The following BMAL1 variants were observed in gnomAD, a reference collection of about 807,000 sequenced individuals.
BMAL1 encodes basic helix-loop-helix ARNT-like protein 1.
the BMAL1 span, among the ~76,000 whole-genome samples, chr11:13,359,326 C>T: frequency 6.6e-6 from 1 of 152,182 alleles, no homozygotes; most frequent in African/African-American, 2.4e-5. Flanking sequence ...AGATCTCTGA[C>T]CTGCGTGGTA....
chr11:13,278,020 C>G, the BMAL1 span: 1 of 151,636 alleles, frequency 6.6e-6, no homozygotes, highest in Non-Finnish European at 1.5e-5. Flanking sequence ...GCCGCCGCCC[C>G]GGGGGCAACC....
chr11:13,384,168 T>C, the BMAL1 span, among the ~76,000 whole-genome samples: 1 of 152,190 alleles, frequency 6.6e-6, no homozygotes, highest in Non-Finnish European at 1.5e-5. Flanking sequence ...ATGACTGACA[T>C]TTGTTGCCAA....
chr11:13,382,751 T>C, the BMAL1 span, among the ~76,000 whole-genome samples: 94 of 152,320 alleles, frequency 6.2e-4, no homozygotes, highest in African/African-American at 2.1e-3. Flanking sequence ...AGAACTTTCA[T>C]ATACATTGTC....
the BMAL1 span, chr11:13,372,019 C>G: frequency 2.6e-6 from 3 of 1,154,368 alleles, no homozygotes; most frequent in East Asian, 7.1e-5. Context: ...CTGCCCCTTT[C>G]ATTAGATGCT....
the BMAL1 span, among the ~76,000 whole-genome samples, chr11:13,317,079 A>T: frequency 6.6e-6 from 1 of 152,212 alleles, no homozygotes; most frequent in Non-Finnish European, 1.5e-5. Context: ...TGTGCTTAGC[A>T]CCGTGACTGG....
chr11:13,376,269 C>T, the BMAL1 span, among the ~76,000 whole-genome samples: 1 of 152,164 alleles, frequency 6.6e-6, no homozygotes, highest in Non-Finnish European at 1.5e-5. Context: ...CAGGCCTGCT[C>T]CCCACTTTTC....
the BMAL1 span, chr11:13,369,565 C>T: frequency 2.5e-6 from 4 of 1,606,368 alleles, no homozygotes; most frequent in African/African-American, 5.4e-5. Context: ...CACTCCCCCT[C>T]CTGACAGACA....
the BMAL1 span, among the ~76,000 whole-genome samples, chr11:13,333,369 T>A: frequency 6.6e-6 from 1 of 152,250 alleles, no homozygotes; most frequent in East Asian, 1.9e-4. Flanking sequence ...CACCAGCAGG[T>A]GTTCCAGAAA....
the BMAL1 span, chr11:13,379,361 T>G: frequency 1.3e-5 from 2 of 152,154 alleles, no homozygotes; most frequent in Non-Finnish European, 2.9e-5. Context: ...TCAGGAGAAT[T>G]AGAGGCTGGC....
chr11:13,316,843 TTAAAG>T, the BMAL1 span, among the ~76,000 whole-genome samples: 1 of 152,238 alleles, frequency 6.6e-6, no homozygotes, highest in Non-Finnish European at 1.5e-5. Context: ...TGAGATGGGC[TTAAAG>T]TGTGGCTGGC....
At chr11:13,307,866 G>A in the BMAL1 span, among the ~76,000 whole-genome samples, 2 of 152,184 alleles carry the variant, frequency 1.3e-5, no homozygotes, top group African/African-American at 4.8e-5. Flanking sequence ...TCTGCTTTAG[G>A]CACATTCGTC....
the BMAL1 span, among the ~76,000 whole-genome samples, chr11:13,278,080 C>T: frequency 6.6e-6 from 1 of 152,036 alleles, no homozygotes; most frequent in Non-Finnish European, 1.5e-5. Context: ...CCTTAAAGGG[C>T]CCGTGACCGC....
At chr11:13,284,263 TATA>T in the BMAL1 span, among the ~76,000 whole-genome samples, 13 of 15,894 alleles carry the variant, frequency 8.2e-4, 3 homozygotes, top group African/African-American at 2.4e-3. Context: ...TATATATATA[TATA>T]TTTTTTTTTT....
At chr11:13,343,197 G>C in the BMAL1 span, among the ~76,000 whole-genome samples, 14,650 of 152,122 alleles carry the variant, frequency 0.096, 984 homozygotes, top group African/African-American at 0.19. Context: ...ATACATGATG[G>C]GGTCAGGATT....
At chr11:13,352,157 G>A in the BMAL1 span, among the ~76,000 whole-genome samples, 5 of 152,154 alleles carry the variant, frequency 3.3e-5, no homozygotes, top group Admixed American at 6.5e-5. Context: ...GTGTGCACCT[G>A]CCTCTTTTCT....
the BMAL1 span, among the ~76,000 whole-genome samples, chr11:13,328,061 C>G: frequency 3.9e-5 from 6 of 152,184 alleles, no homozygotes; most frequent in African/African-American, 1.2e-4. Flanking sequence ...TTTCCCATAT[C>G]TGAGATACGT....
the BMAL1 span, among the ~76,000 whole-genome samples, chr11:13,362,614 G>A: frequency 6.6e-6 from 1 of 152,046 alleles, no homozygotes; most frequent in Admixed American, 6.6e-5. Context: ...TCAAGTGAGT[G>A]ATAGTCTTTT....
At chr11:13,334,194 T>C in the BMAL1 span, among the ~76,000 whole-genome samples, 7 of 152,070 alleles carry the variant, frequency 4.6e-5, no homozygotes, top group Non-Finnish European at 1.0e-4. Flanking sequence ...GAGCAGAGAT[T>C]TGGGGCTAGG....
the BMAL1 span, among the ~76,000 whole-genome samples, chr11:13,311,839 G>T: frequency 6.6e-6 from 1 of 152,194 alleles, no homozygotes; most frequent in Non-Finnish European, 1.5e-5. Context: ...CTTGCCATGA[G>T]ACAAGATGTG....
Sources: gnomAD v4.1 joint callset for allele counts (sites outside exome capture counted in the v4.1 genomes callset) on GRCh38, gnomAD v4.1.1 for gene constraint, MANE v1.5 for transcripts, NCBI Gene and HGNC (gene_info 2026-07-23, HGNC 2026-07-21) for gene names.